Variants in OPCML observed in about 807,000 individuals in gnomAD.
The protein encoded by OPCML is opioid binding protein/cell adhesion molecule like.
A neutral mutation model predicts 37.8 loss-of-function variants in OPCML; 13 were observed. That is an observed-to-expected ratio of 0.34 (90% CI 0.22 to 0.55). The LOEUF is 0.55. Among genes scored for constraint, OPCML ranks in the 20% least tolerant of loss-of-function variants. The probability of loss-of-function intolerance (pLI) is 0.91; values close to 1 mark genes in which losing one functional copy is unlikely to be tolerated. For synonymous variants in OPCML, 176 were observed against 168.8 expected (o/e 1.04, Z -0.33); for missense variants, 341 against 435.6 (o/e 0.78, Z 1.93).
At chr11:133,246,875 G>C (rs1455228653) in intron 1 of OPCML, among the ~76,000 whole-genome samples, 1 of 152,192 alleles carries the variant, frequency 6.6e-6, no homozygotes, top group Non-Finnish European at 1.5e-5. Flanking sequence ...TAGGTGGGTA[G>C]AATTGGCAGG....
At chr11:133,202,564 T>A (rs1360612920) in intron 1 of OPCML, among the ~76,000 whole-genome samples, 1 of 152,238 alleles carries the variant, frequency 6.6e-6, no homozygotes, top group Non-Finnish European at 1.5e-5. Context: ...CTCCCTCATT[T>A]TGCCCAAGTA....
intron 2 of OPCML, among the ~76,000 whole-genome samples, chr11:132,795,034 G>A (rs774515863): frequency 7.3e-5 from 11 of 151,724 alleles, no homozygotes; most frequent in Non-Finnish European, 1.6e-4. Flanking sequence ...AAATTTAGAA[G>A]AGTGGTAAAC....
intron 1 of OPCML, among the ~76,000 whole-genome samples, chr11:133,186,146 A>C (rs1451090746): frequency 6.6e-6 from 1 of 152,160 alleles, no homozygotes; most frequent in Non-Finnish European, 1.5e-5. Flanking sequence ...ATGGCATTTA[A>C]TTGCTTCTCA....
At position 133,129,981 on chromosome 11, in the gene OPCML, TAAA is replaced by T. The variant is rs371210242; in HGVS notation, c.62-186974_62-186972del. Among the ~76,000 whole-genome samples, 28 of 151,914 alleles carry T rather than the reference TAAA, an allele frequency of 1.8e-4. No individual in the cohort carries two copies. In the East Asian group the frequency reaches 2.7e-3, roughly 15 times the overall value. On this transcript the variant is annotated intron_variant, in intron 1 of 7. Transcript: ENST00000524381. ...ATTCATATTGAAAAAATCAGTCAATTAAAAAAAGCAAGAATTGACACAAATTAT... is the reference window on the plus strand; with the variant it reads ...ATTCATATTGAAAAAATCAGTCAATTAAAAGCAAGAATTGACACAAATTAT...
chr11:132,805,249 G>A (rs1181771545), intron 2 of OPCML, among the ~76,000 whole-genome samples: 1 of 152,122 alleles, frequency 6.6e-6, no homozygotes, highest in Non-Finnish European at 1.5e-5. Flanking sequence ...AAGAAAAAAG[G>A]ATTTTATGCA....
At chr11:133,038,825 C>CT (rs1947831713) in intron 1 of OPCML, among the ~76,000 whole-genome samples, 1 of 86,830 alleles carries the variant, frequency 1.2e-5, no homozygotes, top group Non-Finnish European at 2.2e-5. Context: ...CTCTATGTTG[C>CT]CAAAAAAAAA....
chr11:133,067,857 C>T (rs1299493238), intron 1 of OPCML: 4 of 152,170 alleles, frequency 2.6e-5, no homozygotes. Context: ...TCAAAATTAC[C>T]TCCGCTGGGG....
rs550187580 is a variant in OPCML, at chr11:132,656,315, T to G, written c.379+772A>C. Reference sequence around the variant, plus strand: ...GCATGTGTTTTTAATTCTTAATATTTAATATCTGAGAATCTGACATTTCTT... The same window carrying G: ...GCATGTGTTTTTAATTCTTAATATTGAATATCTGAGAATCTGACATTTCTT... On this transcript the variant is annotated intron_variant, in intron 3 of 7. Coordinates refer to ENST00000524381, the MANE Select transcript of OPCML (RefSeq NM_001012393.5). Among the ~76,000 whole-genome samples, 13 of 152,340 alleles carry G rather than the reference T, an allele frequency of 8.5e-5. No homozygotes were observed. The South Asian group carries it at 2.7e-3, about 32-fold the overall frequency.
At chr11:132,469,972 G>A (rs3016484) in intron 4 of OPCML, among the ~76,000 whole-genome samples, 1 of 151,452 alleles carries the variant, frequency 6.6e-6, no homozygotes, top group Admixed American at 6.6e-5. Context: ...TGTGTTTGTG[G>A]TGGGGGATGG....
At chr11:133,240,226 A>C (rs914816457) in intron 1 of OPCML, among the ~76,000 whole-genome samples, 1 of 151,686 alleles carries the variant, frequency 6.6e-6, no homozygotes, top group East Asian at 2.0e-4. Flanking sequence ...AAAAAAAAAA[A>C]AAAAAAAAAC....
At chr11:132,868,974 C>T (rs1433577095) in intron 2 of OPCML, among the ~76,000 whole-genome samples, 1 of 152,184 alleles carries the variant, frequency 6.6e-6, no homozygotes, top group Non-Finnish European at 1.5e-5. Context: ...CCTGGAGAAG[C>T]TGTGGGGAAC....
At chr11:132,639,705 A>G (rs1474045398) in intron 3 of OPCML, among the ~76,000 whole-genome samples, 1 of 152,210 alleles carries the variant, frequency 6.6e-6, no homozygotes, top group African/African-American at 2.4e-5. Context: ...GCAAAAGTTG[A>G]GCATTGCCTG....
chr11:133,484,071 TA>T (rs1565660041), intron 1 of OPCML, among the ~76,000 whole-genome samples: 3 of 147,954 alleles, frequency 2.0e-5, no homozygotes, highest in African/African-American at 7.9e-5. Context: ...GATAGATAGA[TA>T]GATAGATAGA....
intron 4 of OPCML, among the ~76,000 whole-genome samples, chr11:132,522,809 C>A (rs1386129334): frequency 6.6e-6 from 1 of 152,212 alleles, no homozygotes; most frequent in African/African-American, 2.4e-5. Flanking sequence ...GGGATCGATA[C>A]CTATACACAA....
rs139886067 is a variant in OPCML at position 133,517,564 on chromosome 11, G to A, written c.61+14700C>T. ...CGCTAGGGCGGTGGGGGTTTGGACTGTACAGACAGAAACCCAGGCATCAGG... is the reference window on the plus strand; with the variant it reads ...CGCTAGGGCGGTGGGGGTTTGGACTATACAGACAGAAACCCAGGCATCAGG... On this transcript the variant is annotated intron_variant, in intron 1 of 7. Transcript: ENST00000524381. Among the ~76,000 whole-genome samples, 496 of 152,344 alleles carry A rather than the reference G, an allele frequency of 3.3e-3. 3 individuals carry two copies. Among genetic ancestry groups the A allele is most frequent in the African/African-American group, 0.011 (473 of 41,590 alleles).
chr11:132,844,006 T>C (rs1474823940), intron 2 of OPCML, among the ~76,000 whole-genome samples: 1 of 152,198 alleles, frequency 6.6e-6, no homozygotes, highest in African/African-American at 2.4e-5. Flanking sequence ...GGCAGGTCTT[T>C]CTTGTGCTGT....
At chr11:132,645,028 C>T (rs934918071) in intron 3 of OPCML, among the ~76,000 whole-genome samples, 3 of 152,334 alleles carry the variant, frequency 2.0e-5, no homozygotes, top group African/African-American at 4.8e-5. Context: ...CATAATCCAT[C>T]CCATTAAATT....
At chr11:132,707,382 A>T (rs973887809) in intron 2 of OPCML, among the ~76,000 whole-genome samples, 4 of 152,220 alleles carry the variant, frequency 2.6e-5, no homozygotes, top group African/African-American at 9.6e-5. Flanking sequence ...CAGAAACATT[A>T]AAGAAAAAGA....
intron 2 of OPCML, chr11:132,657,543 C>T (rs188067125): frequency 1.4e-4 from 73 of 504,150 alleles, no homozygotes; most frequent in Admixed American, 1.2e-3. Flanking sequence ...TATTTGACTT[C>T]GAGACATATT....
Sources: allele counts gnomAD v4.1 joint callset (sites outside exome capture counted in the v4.1 genomes callset), GRCh38; gene constraint gnomAD v4.1.1; transcripts MANE v1.5; gene names NCBI Gene and HGNC (gene_info 2026-07-23, HGNC 2026-07-21).